Variants in THSD7B observed in about 807,000 individuals in gnomAD.
THSD7B encodes the protein thrombospondin type-1 domain-containing protein 7B.
THSD7B carries 138 observed loss-of-function variants against 213.6 expected under a neutral mutation model. The observed-to-expected ratio is 0.65, with a 90% confidence interval of 0.56 to 0.74. The LOEUF is 0.74. Ranked by LOEUF, THSD7B falls within the 30% of genes least tolerant of loss-of-function variation. The pLI is 0.00. For missense variants in THSD7B, 1,931 were observed against 1,991.5 expected (o/e 0.97, Z 0.58); for synonymous variants, 742 against 687.0 (o/e 1.08, Z -1.25).
chr2:137,653,988 C>T (rs1683186722), intron 21 of THSD7B, among the ~76,000 whole-genome samples: 1 of 152,010 alleles, frequency 6.6e-6, no homozygotes, highest in South Asian at 2.1e-4. Flanking sequence ...GGACGTACCT[C>T]TCTGTCTTTA....
At chr2:137,528,150 G>T (rs76859428) in intron 15 of THSD7B, among the ~76,000 whole-genome samples, 3,466 of 152,102 alleles carry the variant, frequency 0.023, 89 homozygotes, top group African/African-American at 0.053. Flanking sequence ...GCCCAATCTT[G>T]TTGGCCCAAA....
At chr2:136,871,141 G>C (rs1461293460) in intron 1 of THSD7B, among the ~76,000 whole-genome samples, 1 of 152,192 alleles carries the variant, frequency 6.6e-6, no homozygotes, top group African/African-American at 2.4e-5. Context: ...GATCCGGTCT[G>C]TGGGCTCTGT....
intron 1 of THSD7B, among the ~76,000 whole-genome samples, chr2:136,825,874 C>A (rs12617926): frequency 0.16 from 24,812 of 151,894 alleles, 2,717 homozygotes; most frequent in East Asian, 0.41. Flanking sequence ...TTTAAGTACA[C>A]ATATGACTAG....
At chr2:136,824,548 A>G (rs1208921892) in intron 1 of THSD7B, among the ~76,000 whole-genome samples, 1 of 152,198 alleles carries the variant, frequency 6.6e-6, no homozygotes, top group African/African-American at 2.4e-5. Context: ...TGTACCAAAT[A>G]TAATCAGTGT....
At chr2:137,465,300 A>G (rs1359654826) in intron 15 of THSD7B, among the ~76,000 whole-genome samples, 1 of 152,058 alleles carries the variant, frequency 6.6e-6, no homozygotes, top group African/African-American at 2.4e-5. Flanking sequence ...ATTCCAGGAC[A>G]ATTGAATACT....
intron 12 of THSD7B, among the ~76,000 whole-genome samples, chr2:137,398,406 T>C (rs1024900257): frequency 6.7e-6 from 1 of 149,530 alleles, no homozygotes; most frequent in East Asian, 2.0e-4. Context: ...GCTGCAGGTC[T>C]GTTGGAATAC....
intron 1 of THSD7B, among the ~76,000 whole-genome samples, chr2:136,825,642 C>T (rs935219318): frequency 1.3e-5 from 2 of 151,744 alleles, no homozygotes; most frequent in Non-Finnish European, 2.9e-5. Context: ...GCAACCACCT[C>T]CTGGGTTCAC....
At chr2:137,291,568 A>T (rs1683339207) in intron 12 of THSD7B, among the ~76,000 whole-genome samples, 1 of 152,190 alleles carries the variant, frequency 6.6e-6, no homozygotes, top group South Asian at 2.1e-4. Flanking sequence ...GGAAAGTCAA[A>T]TGCAGAAATT....
chr2:137,305,861 G>A (rs1439452769), intron 12 of THSD7B, among the ~76,000 whole-genome samples: 1 of 152,094 alleles, frequency 6.6e-6, no homozygotes, highest in Non-Finnish European at 1.5e-5. Flanking sequence ...TACACCTAAG[G>A]CTATATGGTA....
chr2:137,672,800 A>C (rs1683605960), intron 27 of THSD7B, among the ~76,000 whole-genome samples: 1 of 152,238 alleles, frequency 6.6e-6, no homozygotes, highest in African/African-American at 2.4e-5. Flanking sequence ...AGCCTTCTAA[A>C]GACTACTTCT....
At chr2:137,118,789 A>G (rs1688489715) in intron 5 of THSD7B, among the ~76,000 whole-genome samples, 1 of 152,112 alleles carries the variant, frequency 6.6e-6, no homozygotes, top group South Asian at 2.1e-4. Context: ...CATACCTGAG[A>G]CTGGATAATT....
intron 12 of THSD7B, among the ~76,000 whole-genome samples, chr2:137,401,926 G>C (rs1271653489): frequency 6.6e-6 from 1 of 152,096 alleles, no homozygotes; most frequent in African/African-American, 2.4e-5. Context: ...TACAAATCTA[G>C]CACCAAATCC....
chr2:137,272,791 A>T (rs2104807320), intron 11 of THSD7B, 129 bp downstream of exon 11: 1 of 1,002,480 alleles, frequency 1.0e-6, no homozygotes, highest in Non-Finnish European at 1.5e-6. Context: ...ATCTTCAAAT[A>T]CTTTAATATT....
intron 14 of THSD7B, among the ~76,000 whole-genome samples, chr2:137,414,390 G>A (rs1020113277): frequency 6.6e-6 from 1 of 151,982 alleles, no homozygotes; most frequent in Non-Finnish European, 1.5e-5. Flanking sequence ...TACTAATAAA[G>A]ACTTAGTGTG....
In THSD7B at chr2:137,445,833, C is replaced by T. The variant is rs150971073; in HGVS notation, c.2960-5012C>T. On this transcript the variant is annotated intron_variant, in intron 14 of 27. Coordinates refer to ENST00000409968, the MANE Select transcript of THSD7B (RefSeq NM_001316349.2). Reference sequence around the variant, plus strand: ...CCCAGTTACCCCGATTTGATCATTACACATTGCATGCTTGTATCAAAATAT... The same window carrying T: ...CCCAGTTACCCCGATTTGATCATTATACATTGCATGCTTGTATCAAAATAT... Among the ~76,000 whole-genome samples, 12 of 151,968 alleles carry T rather than the reference C, an allele frequency of 7.9e-5. 1 individual carries two copies. The East Asian group carries it at 2.3e-3, about 29-fold the overall frequency.
chr2:137,443,227 T>C (rs1687457609), intron 14 of THSD7B, among the ~76,000 whole-genome samples: 1 of 152,126 alleles, frequency 6.6e-6, no homozygotes, highest in Non-Finnish European at 1.5e-5. Flanking sequence ...GATACCATTG[T>C]GATTAAATTG....
chr2:137,549,121 T>C (rs571449651), intron 15 of THSD7B, among the ~76,000 whole-genome samples: 2 of 152,092 alleles, frequency 1.3e-5, no homozygotes, highest in Admixed American at 1.3e-4. Context: ...CTTAAACTCA[T>C]TCTCCTCCTT....
At chr2:137,457,126 C>G (rs1359928446) in intron 15 of THSD7B, among the ~76,000 whole-genome samples, 2 of 152,142 alleles carry the variant, frequency 1.3e-5, no homozygotes, top group Non-Finnish European at 2.9e-5. Context: ...CACACACACC[C>G]TATTGTAGAT....
In THSD7B at chr2:137,475,106, G is replaced by A. The variant is rs971764030; in HGVS notation, c.3138+24083G>A. ...CTTTCCATGTATATTGCTAACAGTA[G>A]TCTATTGGAGTCTTTGTTCATATGT... is the stretch of plus-strand genomic sequence containing the variant. On this transcript the variant is annotated intron_variant, in intron 15 of 27. Transcript: ENST00000409968. Among the ~76,000 whole-genome samples the A allele has an allele frequency of 2.6e-5, 4 of 152,132 alleles. No individual in the cohort carries two copies. In the East Asian group the frequency reaches 7.7e-4, roughly 29 times the overall value.
Sources: allele counts gnomAD v4.1 joint callset (sites outside exome capture counted in the v4.1 genomes callset), GRCh38; gene constraint gnomAD v4.1.1; transcripts MANE v1.5; gene names NCBI Gene and HGNC (gene_info 2026-07-23, HGNC 2026-07-21).